TM4SF20: variants seen among roughly 807,000 people sequenced by gnomAD.
TM4SF20 encodes transmembrane 4 L six family member 20.
A neutral mutation model predicts 15.1 loss-of-function variants in TM4SF20; 13 were observed. That is an observed-to-expected ratio of 0.86 (90% CI 0.56 to 1.36). The LOEUF (loss-of-function observed/expected upper bound fraction) is 1.36. TM4SF20 is among the 40% of genes most tolerant of loss of function. TM4SF20 has a pLI of 0.00. For missense variants in TM4SF20, 282 were observed against 268.4 expected, an observed-to-expected ratio of 1.05 and a Z score of -0.35; for synonymous variants, 92 against 96.6, an observed-to-expected ratio of 0.95 and a Z score of 0.28.
At chr2:227,375,605 G>A (rs1016595191) in intron 1 of TM4SF20, among the ~76,000 whole-genome samples, 6 of 151,954 alleles carry the variant, frequency 3.9e-5, no homozygotes, top group Non-Finnish European at 7.4e-5. Flanking sequence ...TTCCCTTGCC[G>A]CAGCCTCCTG....
At chr2:227,370,323 A>G (rs2076414349) in intron 2 of TM4SF20, among the ~76,000 whole-genome samples, 1 of 152,166 alleles carries the variant, frequency 6.6e-6, no homozygotes, top group South Asian at 2.1e-4. Flanking sequence ...TGACTTACCA[A>G]TCTCCTTTCT....
rs552878115 is a variant in TM4SF20 at position 227,375,721 on chromosome 2, C to T, written c.183+3365G>A. 9.9e-5 allele frequency among the ~76,000 whole-genome samples: 15 copies of T among 152,182 alleles called. No homozygotes were observed. The East Asian group carries it at 2.5e-3, about 26-fold the overall frequency. ...AGCCAGGACGGTCTTGATCTCCTGA[C>T]CTCGTGATTCGCCCGCCTCGGCCTC... On this transcript the variant is annotated intron_variant, in intron 1 of 3. Coordinates refer to ENST00000304568, the MANE Select transcript of TM4SF20 (RefSeq NM_024795.4).
intron 2 of TM4SF20, among the ~76,000 whole-genome samples, chr2:227,367,661 G>A (rs560222743): frequency 3.9e-5 from 6 of 152,266 alleles, no homozygotes; most frequent in Admixed American, 1.3e-4. Context: ...TGTGTGTTGT[G>A]TTCTTGAGAC....
In TM4SF20 at chr2:227,377,767, T is replaced by C. The variant is rs145636635; in HGVS notation, c.183+1319A>G. On this transcript the variant is annotated intron_variant, in intron 1 of 3. Coordinates refer to ENST00000304568, the MANE Select transcript of TM4SF20 (RefSeq NM_024795.4). ...TTCTCACTTGTAAGCGGGAGGTAAA[T>C]GATGAGAACACATGAGCACATAAAA... 7.3e-4 allele frequency among the ~76,000 whole-genome samples: 111 copies of C among 151,872 alleles called. No individual in the cohort carries two copies. In the East Asian group the frequency reaches 0.019, roughly 25 times the overall value.
At chr2:227,370,121 G>T (rs972109848) in intron 2 of TM4SF20, among the ~76,000 whole-genome samples, 1 of 152,162 alleles carries the variant, frequency 6.6e-6, no homozygotes, top group Admixed American at 6.5e-5. Flanking sequence ...TAGTGGGTAG[G>T]CATTAAATGT....
At chr2:227,379,420 G>T (rs745461141), upstream of TM4SF20, 38 of 555,418 alleles carry the variant, frequency 6.8e-5, no homozygotes, top group Non-Finnish European at 1.1e-4. Context: ...ACATTATTAT[G>T]ATGACTATGA....
At chr2:227,378,075 C>G (rs1248643386) in intron 1 of TM4SF20, among the ~76,000 whole-genome samples, 3 of 148,404 alleles carry the variant, frequency 2.0e-5, no homozygotes, top group Non-Finnish European at 4.5e-5. Flanking sequence ...CTCTCTCTCT[C>G]TCTGTCTTAC....
Position 227,379,274 on chromosome 2 carries a change from C to T in TM4SF20, c.-6G>A. 6.2e-7 allele frequency: 1 copy of T among 1,612,292 alleles called. No individual in the cohort carries two copies. Among genetic ancestry groups the T allele is most frequent in the African/African-American group, 1.3e-5 (1 of 75,028 alleles). ...CATCCTTCGCAGCAGGTCATGGTCA[C>T]CCCTGGCTCAGAAACGTTGTCAAAG... On this transcript the variant is annotated 5_prime_UTR_variant, in exon 1 of 4. In the 5' UTR this introduces an upstream ATG that the reference lacks. Transcript: ENST00000304568.
chr2:227,366,316 A>G, intron 2 of TM4SF20, 72 bp from the exon 3 acceptor site: 2 of 1,363,646 alleles, frequency 1.5e-6, no homozygotes, highest in South Asian at 2.8e-5. Context: ...TCAGGAGCGT[A>G]TACAGTCTTT....
At chr2:227,371,628 C>G (rs542903837) in intron 1 of TM4SF20, among the ~76,000 whole-genome samples, 1 of 152,138 alleles carries the variant, frequency 6.6e-6, no homozygotes, top group African/African-American at 2.4e-5. Context: ...ACGCCTGGCC[C>G]GATTTCCCAG....
chr2:227,377,628 T>C (rs985697442), intron 1 of TM4SF20, among the ~76,000 whole-genome samples: 16 of 152,094 alleles, frequency 1.1e-4, no homozygotes, highest in African/African-American at 2.9e-4. Flanking sequence ...TCTTTAAAAA[T>C]CACCTCCACA....
At chr2:227,364,559 C>A (rs1489918575) in intron 3 of TM4SF20, among the ~76,000 whole-genome samples, 1 of 152,100 alleles carries the variant, frequency 6.6e-6, no homozygotes, top group African/African-American at 2.4e-5. Context: ...ACATCTATCT[C>A]AAGATGATTT....
intron 2 of TM4SF20, among the ~76,000 whole-genome samples, chr2:227,368,355 A>ATATATATATATATATATATATATATATAT (rs397988096): frequency 6.1e-5 from 8 of 132,076 alleles, no homozygotes; most frequent in Middle Eastern, 4.4e-3. Flanking sequence ...ATATATATAT[A>ATATATATATATATATATATATATATATAT]ATTTTTTGTT....
In TM4SF20 at chr2:227,370,971, C is replaced by T; in HGVS notation, c.193G>A (p.Ala65Thr). ...IIGAGLMAIP[A>T]TTMSLTARKR... Reference sequence around the variant, plus strand: ...CTTGCTGTCAAGGACATTGTTGTTGCTGGAATGGCCTGGAAATGACATCAA... The same window carrying T: ...CTTGCTGTCAAGGACATTGTTGTTGTTGGAATGGCCTGGAAATGACATCAA... Residue 65 changes from alanine (A) to threonine (T), a missense_variant, in exon 2 of 4, where the codon GCA becomes ACA. Coordinates refer to ENST00000304568, the MANE Select transcript of TM4SF20 (RefSeq NM_024795.4). 1 of 1,613,736 alleles carries T rather than the reference C, an allele frequency of 6.2e-7. No homozygotes were observed. The highest frequency in any genetic ancestry group is 8.5e-7 in the Non-Finnish European group (1 of 1,179,774).
chr2:227,375,741 G>A (rs147782885), intron 1 of TM4SF20, among the ~76,000 whole-genome samples: 4 of 151,876 alleles, frequency 2.6e-5, no homozygotes, highest in South Asian at 2.1e-4. Flanking sequence ...CGCCCGCCTC[G>A]GCCTCCCAAA....
At chr2:227,377,178 T>C (rs2076455446) in intron 1 of TM4SF20, among the ~76,000 whole-genome samples, 1 of 152,226 alleles carries the variant, frequency 6.6e-6, no homozygotes, top group Admixed American at 6.5e-5. Context: ...TAAAGCTGCA[T>C]GTGTTATTCT....
intron 2 of TM4SF20, among the ~76,000 whole-genome samples, chr2:227,368,400 G>C (rs929601959): frequency 4.7e-5 from 7 of 147,430 alleles, no homozygotes; most frequent in Non-Finnish European, 6.0e-5. Flanking sequence ...TCCCAGGATA[G>C]AGTGCAGTGG....
chr2:227,378,966 C>T, intron 1 of TM4SF20, 120 bp downstream of exon 1: 1 of 925,318 alleles, frequency 1.1e-6, no homozygotes, highest in African/African-American at 1.7e-5. Context: ...TGCCATACTA[C>T]TGCTCCAAAT....
At chr2:227,366,716 CAAAAAAAAAAAAAAAAAAAAAAAAAAA>C (rs59401554) in intron 2 of TM4SF20, among the ~76,000 whole-genome samples, 98 of 68,230 alleles carry the variant, frequency 1.4e-3, no homozygotes, top group African/African-American at 1.8e-3. Flanking sequence ...AAGACTCTGT[CAAAAAAAAAAAAAAAAAAAAAAAAAAA>C]AAAAAAAAAA....
Sources: gnomAD v4.1 joint callset for allele counts (sites outside exome capture counted in the v4.1 genomes callset) on GRCh38, gnomAD v4.1.1 for gene constraint, MANE v1.5 for transcripts, NCBI Gene and HGNC (gene_info 2026-07-23, HGNC 2026-07-21) for gene names.